The following DLGAP1 variants were observed in gnomAD, a reference collection of about 807,000 sequenced individuals.
DLGAP1 encodes DLG associated protein 1, also known as disks large-associated protein 1.
A neutral mutation model predicts 90.8 loss-of-function variants in DLGAP1; 11 were observed. That is an observed-to-expected ratio of 0.12 (90% CI 0.08 to 0.20). DLGAP1 has a LOEUF of 0.20. Ranked by LOEUF, DLGAP1 falls within the 10% of genes least tolerant of loss-of-function variation. The pLI is 1.00. For missense variants in DLGAP1, 1,050 were observed against 1,333.8 expected, an observed-to-expected ratio of 0.79 and a Z score of 3.31; for synonymous variants, 558 against 540.7, an observed-to-expected ratio of 1.03 and a Z score of -0.44.
intron 1 of DLGAP1, among the ~76,000 whole-genome samples, chr18:4,357,160 T>TG (rs2081537822): frequency 1.8e-5 from 2 of 112,542 alleles, no homozygotes; most frequent in Middle Eastern, 4.6e-3. Context: ...TTTTTTCCTT[T>TG]TTTTTTTTTT....
intron 1 of DLGAP1, among the ~76,000 whole-genome samples, chr18:4,384,478 C>T (rs522473): frequency 0.87 from 132,289 of 152,102 alleles, 58,751 homozygotes; most frequent in East Asian, 1. Flanking sequence ...TTTCATACAC[C>T]ATATCTTGTT....
intron 7 of DLGAP1, among the ~76,000 whole-genome samples, chr18:3,602,302 T>C (rs1487371377): frequency 6.6e-6 from 1 of 151,544 alleles, no homozygotes. Context: ...AATTAAAGAA[T>C]AATCTTGTTT....
chr18:4,369,648 T>C (rs1310240393), intron 1 of DLGAP1, among the ~76,000 whole-genome samples: 1 of 151,746 alleles, frequency 6.6e-6, no homozygotes, highest in Non-Finnish European at 1.5e-5. Flanking sequence ...GACAGACAGA[T>C]GGGCCCAGGC....
At chr18:3,831,372 T>C (rs530339326) in intron 4 of DLGAP1, among the ~76,000 whole-genome samples, 1 of 152,234 alleles carries the variant, frequency 6.6e-6, no homozygotes, top group East Asian at 1.9e-4. Context: ...GTGATGCATG[T>C]GCAGAACATG....
intron 8 of DLGAP1, among the ~76,000 whole-genome samples, chr18:3,574,969 C>T (rs1190781283): frequency 1.3e-5 from 2 of 151,732 alleles, no homozygotes; most frequent in East Asian, 2.0e-4. Flanking sequence ...CGCCCGCCAC[C>T]ACGCCCAGCT....
At chr18:3,756,181 C>G (rs995159236) in intron 5 of DLGAP1, among the ~76,000 whole-genome samples, 1 of 152,068 alleles carries the variant, frequency 6.6e-6, no homozygotes, top group African/African-American at 2.4e-5. Context: ...TCCCGAGTAG[C>G]TGGGACTACA....
chr18:4,131,965 A>T (rs2076324171), intron 2 of DLGAP1, among the ~76,000 whole-genome samples: 1 of 152,230 alleles, frequency 6.6e-6, no homozygotes, highest in East Asian at 1.9e-4. Flanking sequence ...AATTTAAATT[A>T]TAATACAATT....
chr18:3,669,242 G>T (rs2059993337), intron 7 of DLGAP1, among the ~76,000 whole-genome samples: 1 of 152,022 alleles, frequency 6.6e-6, no homozygotes, highest in Admixed American at 6.6e-5. Context: ...AGGAGTGCTG[G>T]GAAGGGAAGA....
At chr18:3,692,500 G>A (rs1007804503) in intron 7 of DLGAP1, among the ~76,000 whole-genome samples, 2 of 152,160 alleles carry the variant, frequency 1.3e-5, no homozygotes, top group Non-Finnish European at 2.9e-5. Context: ...CCAATTTACA[G>A]CAGGATGGGG....
At position 3,848,127 on chromosome 18, in the gene DLGAP1, C is replaced by CAAAAAAAAAAA. The variant is rs3862177; in HGVS notation, c.957+30974_957+30984dup. Among the ~76,000 whole-genome samples, 118 of 32,078 alleles carry CAAAAAAAAAAA rather than the reference C, an allele frequency of 3.7e-3. 3 individuals carry two copies. The highest frequency in any genetic ancestry group is 4.3e-3 in the Admixed American group (8 of 1,842). The allele number at this position is 32,078 out of a possible 152,430, so 21.0% of individuals were successfully genotyped here. ...TGGATGATGGAGCAAGGCCCCGTCT[C>CAAAAAAAAAAA]AAAAAAAAAAAAAAAAAAAAAAAAA... On this transcript the variant is annotated intron_variant, in intron 4 of 12. Coordinates refer to ENST00000315677, the MANE Select transcript of DLGAP1 (RefSeq NM_004746.4).
chr18:3,803,646 A>G (rs2066418690), intron 5 of DLGAP1, among the ~76,000 whole-genome samples: 2 of 152,186 alleles, frequency 1.3e-5, no homozygotes, highest in South Asian at 2.1e-4. Flanking sequence ...CTGTTCAGGG[A>G]AAAGTCCTCA....
At chr18:3,807,280 C>G (rs1306106372) in intron 5 of DLGAP1, among the ~76,000 whole-genome samples, 1 of 152,204 alleles carries the variant, frequency 6.6e-6, no homozygotes, top group Non-Finnish European at 1.5e-5. Context: ...AGTTGATCTT[C>G]CTTTCCCCTC....
chr18:4,179,743 T>C (rs6506190), intron 1 of DLGAP1, among the ~76,000 whole-genome samples: 61,865 of 151,972 alleles, frequency 0.41, 13,124 homozygotes, highest in East Asian at 0.69. Flanking sequence ...AGCTCTTTCT[T>C]CTATTTTAAG....
chr18:4,289,550 T>C (rs1241913911), intron 1 of DLGAP1, among the ~76,000 whole-genome samples: 5 of 152,200 alleles, frequency 3.3e-5, no homozygotes, highest in Admixed American at 2.6e-4. Context: ...TTTGATTCCG[T>C]AACTGTTAAA....
intron 2 of DLGAP1, among the ~76,000 whole-genome samples, chr18:4,071,553 G>C (rs1165912726): frequency 6.6e-6 from 1 of 152,078 alleles, no homozygotes; most frequent in South Asian, 2.1e-4. Context: ...TGTCAGCGTC[G>C]TCTCAGGAAA....
chr18:4,228,109 A>G (rs1405504990), intron 1 of DLGAP1, among the ~76,000 whole-genome samples: 1 of 143,394 alleles, frequency 7.0e-6, no homozygotes, highest in Non-Finnish European at 1.6e-5. Flanking sequence ...AGAAGAAATG[A>G]AAAAAAAAAT....
chr18:3,588,395 G>A (rs897770820), intron 7 of DLGAP1, among the ~76,000 whole-genome samples: 2 of 151,850 alleles, frequency 1.3e-5, no homozygotes, highest in African/African-American at 4.8e-5. Context: ...GGAGGCGGAG[G>A]TTGCGGTGAG....
intron 4 of DLGAP1, among the ~76,000 whole-genome samples, chr18:3,855,181 C>A (rs2069564666): frequency 6.6e-6 from 1 of 152,174 alleles, no homozygotes; most frequent in South Asian, 2.1e-4. Context: ...AGTGAACTAA[C>A]ACAGGAACAG....
chr18:4,356,608 C>T (rs554011170), intron 1 of DLGAP1, among the ~76,000 whole-genome samples: 1 of 152,276 alleles, frequency 6.6e-6, no homozygotes, highest in Non-Finnish European at 1.5e-5. Context: ...GAGGATTTCC[C>T]GCCACCTTTA....
Sources: allele counts gnomAD v4.1 joint callset (sites outside exome capture counted in the v4.1 genomes callset), GRCh38; gene constraint gnomAD v4.1.1; transcripts MANE v1.5; gene names NCBI Gene and HGNC (gene_info 2026-07-23, HGNC 2026-07-21).